The following RNF149 variants were observed in gnomAD, a reference collection of about 807,000 sequenced individuals.
RNF149 encodes E3 ubiquitin-protein ligase RNF149.
In RNF149, 21 loss-of-function variants were observed where a neutral mutation model predicts 39.0. The ratio of observed to expected loss-of-function variants is 0.54; its 90% CI spans 0.38 to 0.77. The LOEUF (loss-of-function observed/expected upper bound fraction) is 0.77, where lower values mean the gene tolerates loss of function less well. RNF149 is among the 30% of genes least tolerant of loss of function. RNF149 has a pLI of 0.00. For synonymous variants in RNF149, 209 were observed against 213.6 expected (o/e 0.98, Z 0.19); for missense variants, 493 against 534.9 (o/e 0.92, Z 0.77).
At chr2:101,288,230 C>CTTTTTTTTT (rs554652378) in intron 4 of RNF149, among the ~76,000 whole-genome samples, 1 of 60,576 alleles carries the variant, frequency 1.7e-5, no homozygotes, top group Non-Finnish European at 2.8e-5. Flanking sequence ...GAAAGAAAAA[C>CTTTTTTTTT]TTTTTTTTTT....
At chr2:101,291,267 C>T (rs972038980) in intron 3 of RNF149, among the ~76,000 whole-genome samples, 18 of 152,148 alleles carry the variant, frequency 1.2e-4, no homozygotes, top group Non-Finnish European at 2.4e-4. Flanking sequence ...TCTCCTGCCT[C>T]AGCCTCCTGA....
chr2:101,277,069 C>A lies in RNF149; in HGVS notation c.*169G>T. On this transcript the variant is annotated 3_prime_UTR_variant, in exon 7 of 7. Coordinates refer to ENST00000295317, the MANE Select transcript of RNF149 (RefSeq NM_173647.4). ...AATATATGAGGACTAATCGAAAAGT[C>A]TCTTCAAGAAGAAAATATCTTAGTC... The A allele has an allele frequency of 7.2e-7, 1 of 1,383,820 alleles. No homozygotes were observed. The highest frequency in any genetic ancestry group is 9.5e-7 in the Non-Finnish European group (1 of 1,052,964). 85.7% of individuals were successfully genotyped at this position (1,383,820 alleles called of 1,614,324 possible).
chr2:101,308,131 G>T lies in RNF149; in HGVS notation c.458C>A (p.Ala153Glu). The part of the protein sequence containing the change: ...YGNITLPMSH[A>E]GTGNIVVIMI... ...TCCTCGCGCCCCGGCCTGCTCACCC[G>T]CGTGAGACATGGGCAAGGTGATGTT... is the stretch of plus-strand genomic sequence containing the variant. Residue 153 changes from alanine (A) to glutamate (E), a missense_variant and splice_region_variant, in exon 1 of 7, where the codon GCG becomes GAG. Ala to Glu is a moderately radical substitution (Grantham distance 107, BLOSUM62 -1). Transcript: ENST00000295317. 1 of 1,607,970 alleles carries T rather than the reference G, an allele frequency of 6.2e-7. No homozygotes were observed. Among genetic ancestry groups the T allele is most frequent in the South Asian group, 1.1e-5 (1 of 90,944 alleles).
Position 101,276,504 on chromosome 2 carries a change from C to G in RNF149, c.*734G>C. ...ATTCTGAGTCTGCCTACTCATTTTCCTTAACAAGGCAATGAAGAACTTAAT... is the reference window on the plus strand; with the variant it reads ...ATTCTGAGTCTGCCTACTCATTTTCGTTAACAAGGCAATGAAGAACTTAAT... On this transcript the variant is annotated 3_prime_UTR_variant, in exon 7 of 7. Coordinates refer to ENST00000295317, the MANE Select transcript of RNF149 (RefSeq NM_173647.4). 3.0e-6 allele frequency: 3 copies of G among 985,718 alleles called. No individual in the cohort carries two copies. Among genetic ancestry groups the G allele is most frequent in the Non-Finnish European group, 3.6e-6 (3 of 829,880 alleles). The allele number at this position is 985,718 out of a possible 1,614,324, so 61.1% of individuals were successfully genotyped here.
intron 2 of RNF149, 129 bp downstream of exon 2, chr2:101,294,802 T>C: frequency 2.5e-6 from 2 of 803,786 alleles, no homozygotes; most frequent in Non-Finnish European, 3.9e-6. Flanking sequence ...TTCCAAAAAG[T>C]CATGTTGAAT....
intron 4 of RNF149, 99 bp from the exon 5 acceptor site, chr2:101,286,276 T>C: frequency 1.5e-6 from 1 of 650,966 alleles, no homozygotes; most frequent in Admixed American, 2.6e-5. Flanking sequence ...TCATTACAAG[T>C]TAGCTGATGT....
intron 1 of RNF149, chr2:101,307,766 C>T: frequency 1.0e-6 from 1 of 964,942 alleles, no homozygotes; most frequent in African/African-American, 1.8e-5. Context: ...GTTTGGATTC[C>T]TACTCACCCC....
intron 3 of RNF149, 50 bp from the exon 4 acceptor site, chr2:101,289,105 C>T (rs753091852): frequency 1.9e-6 from 2 of 1,070,442 alleles, no homozygotes; most frequent in Non-Finnish European, 2.9e-6. Context: ...CACAGTATAT[C>T]CCTTGGTAAA....
Position 101,296,044 on chromosome 2 carries a change from G to C in RNF149, c.461-863C>G, listed in dbSNP as rs556772266. ...GAGGCAGAAGAATTGCTTGAGCCCAGATGGTCAAGGCTGCAGTGAGCTGAG... is the reference window on the plus strand; with the variant it reads ...GAGGCAGAAGAATTGCTTGAGCCCACATGGTCAAGGCTGCAGTGAGCTGAG... On this transcript the variant is annotated intron_variant, in intron 1 of 6. Coordinates refer to ENST00000295317, the MANE Select transcript of RNF149 (RefSeq NM_173647.4). Among the ~76,000 whole-genome samples, 6 of 152,260 alleles carry C rather than the reference G, an allele frequency of 3.9e-5. No individual in the cohort carries two copies. The South Asian group carries it at 1.0e-3, about 26-fold the overall frequency.
At chr2:101,280,201 AATG>A (rs145553391) in intron 6 of RNF149, among the ~76,000 whole-genome samples, 2 of 146,582 alleles carry the variant, frequency 1.4e-5, no homozygotes, top group Non-Finnish European at 3.0e-5. Context: ...TAATAATAAT[AATG>A]ATGATGATGA....
At chr2:101,300,131 G>T (rs951384590) in intron 1 of RNF149, among the ~76,000 whole-genome samples, 2 of 152,202 alleles carry the variant, frequency 1.3e-5, no homozygotes, top group Admixed American at 6.5e-5. Flanking sequence ...TTTGCTTGGG[G>T]TGGAGGGAAA....
At chr2:101,288,602 T>A (rs1682884784) in intron 4 of RNF149, 1 of 170,504 alleles carries the variant, frequency 5.9e-6, no homozygotes, top group Non-Finnish European at 1.2e-5. Flanking sequence ...CTCAACCTAT[T>A]TCCCTTAGGC....
At chr2:101,300,378 TG>T (rs1683405464) in intron 1 of RNF149, among the ~76,000 whole-genome samples, 1 of 152,018 alleles carries the variant, frequency 6.6e-6, no homozygotes, top group Admixed American at 6.6e-5. Flanking sequence ...ATCTCAAGGC[TG>T]GGGGTGGGGG....
chr2:101,273,613 C>T (rs1425543525), downstream of RNF149, among the ~76,000 whole-genome samples: 1 of 151,718 alleles, frequency 6.6e-6, no homozygotes, highest in Non-Finnish European at 1.5e-5. Flanking sequence ...GCTGGGACTA[C>T]AGGCAGATGC....
chr2:101,302,306 C>A (rs547058568), intron 1 of RNF149, among the ~76,000 whole-genome samples: 6 of 152,038 alleles, frequency 3.9e-5, no homozygotes, highest in African/African-American at 1.4e-4. Context: ...TTAAAATGGC[C>A]CAATAAGGAG....
Position 101,281,922 on chromosome 2 carries a change from C to G in RNF149, c.1096G>C (p.Glu366Gln). The change falls in exon 6 of 7, where the codon GAA becomes CAA. Residue 366 changes from glutamate (E) to glutamine (Q), a missense_variant. Physicochemically the swap from Glu to Gln is conservative, Grantham distance 29. Coordinates refer to ENST00000295317, the MANE Select transcript of RNF149 (RefSeq NM_173647.4). ...DSSPPSASPAESEPQCDPSFK... is the reference protein window; with the variant it reads ...DSSPPSASPAQSEPQCDPSFK... Reference sequence around the variant, plus strand: ...CTGGGATCACACTGTGGCTCAGATTCAGCAGGGGAGGCTGATGGTGGACTG... The same window carrying G: ...CTGGGATCACACTGTGGCTCAGATTGAGCAGGGGAGGCTGATGGTGGACTG... The G allele has an allele frequency of 6.2e-7, 1 of 1,614,054 alleles. No individual in the cohort carries two copies. Among genetic ancestry groups the G allele is most frequent in the South Asian group, 1.1e-5 (1 of 91,078 alleles).
Position 101,282,058 on chromosome 2 carries a change from C to T in RNF149, c.961-1G>A. 1 of 1,613,712 alleles carries T rather than the reference C, an allele frequency of 6.2e-7. No homozygotes were observed. Among genetic ancestry groups the T allele is most frequent in the Non-Finnish European group, 8.5e-7 (1 of 1,179,884 alleles). Reference sequence around the variant, plus strand: ...TCTCCTGTACATCCCCAGGCTCTCCCTTGAGAATTAGAACAGAAGAAAAAA... The same window carrying T: ...TCTCCTGTACATCCCCAGGCTCTCCTTTGAGAATTAGAACAGAAGAAAAAA... On this transcript the variant is annotated splice_acceptor_variant, in intron 5 of 6. Transcript: ENST00000295317. LOFTEE classifies it high-confidence loss of function.
chr2:101,307,767 T>C (rs1683730962), intron 1 of RNF149: 2 of 963,376 alleles, frequency 2.1e-6, no homozygotes, highest in Non-Finnish European at 2.5e-6. Context: ...TTTGGATTCC[T>C]ACTCACCCCT....
downstream of RNF149, chr2:101,272,955 T>C (rs1682183367): frequency 7.4e-7 from 1 of 1,352,236 alleles, no homozygotes. Flanking sequence ...AGACTAGTGG[T>C]TCGCTTCAGG....
Sources: allele counts gnomAD v4.1 joint callset (sites outside exome capture counted in the v4.1 genomes callset), GRCh38; gene constraint gnomAD v4.1.1; transcripts MANE v1.5; gene names NCBI Gene and HGNC (gene_info 2026-07-23, HGNC 2026-07-21).